The following DACH2 variants were observed in gnomAD, a reference collection of about 807,000 sequenced individuals.
The protein encoded by DACH2 is dachshund homolog 2.
Under a neutral mutation model 35.8 loss-of-function variants are expected in DACH2, and 17 were observed. The observed-to-expected ratio is 0.48, with a 90% confidence interval of 0.33 to 0.71. The LOEUF (loss-of-function observed/expected upper bound fraction) is 0.71. DACH2 is among the 30% of genes least tolerant of loss of function. The probability of loss-of-function intolerance (pLI) is 0.02; values close to 1 mark genes in which losing one functional copy is unlikely to be tolerated. For missense variants in DACH2, 469 were observed against 472.7 expected (o/e 0.99, Z 0.07); for synonymous variants, 195 against 177.3 (o/e 1.10, Z -0.79).
intron 1 of DACH2, among the ~76,000 whole-genome samples, chrX:86,217,725 G>C (rs1008521431): frequency 1.6e-4 from 18 of 111,060 alleles, no homozygotes; most frequent in Non-Finnish European, 3.2e-4. Flanking sequence ...ATGTATAACT[G>C]ACAAAAAAGA....
chrX:86,632,729 G>T, intron 3 of DACH2, among the ~76,000 whole-genome samples: 1 of 110,762 alleles, frequency 9.0e-6, no homozygotes, highest in Non-Finnish European at 1.9e-5. Context: ...GTTTAAAATT[G>T]AAATCATATC....
chrX:86,357,886 A>G (rs1223266769), intron 1 of DACH2, among the ~76,000 whole-genome samples: 1 of 112,200 alleles, frequency 8.9e-6, no homozygotes, highest in Non-Finnish European at 1.9e-5. Context: ...TCTCCCATTC[A>G]TTCTTCAATC....
At chrX:86,751,551 A>T (rs2041773176) in intron 7 of DACH2, among the ~76,000 whole-genome samples, 1 of 111,373 alleles carries the variant, frequency 9.0e-6, no homozygotes, top group African/African-American at 3.3e-5. Context: ...TGCTTTCAAC[A>T]TTAGGTCAAA....
chrX:86,526,850 AT>A (rs34284111), intron 3 of DACH2, among the ~76,000 whole-genome samples: 1 of 104,299 alleles, frequency 9.6e-6, no homozygotes, highest in Non-Finnish European at 2.0e-5. Flanking sequence ...GACTTAATTT[AT>A]TTTTTTTTCT....
chrX:86,152,171 A>T (rs1250138015), intron 1 of DACH2, among the ~76,000 whole-genome samples: 2 of 111,701 alleles, frequency 1.8e-5, no homozygotes, highest in African/African-American at 6.5e-5. Context: ...ATGTTGTTGA[A>T]TGGAAGGCCT....
chrX:86,174,952 G>A (rs1358407142), intron 1 of DACH2, among the ~76,000 whole-genome samples: 1 of 112,280 alleles, frequency 8.9e-6, no homozygotes, highest in African/African-American at 3.2e-5. Flanking sequence ...CAAAAGCACT[G>A]GGATTACAGG....
At chrX:86,301,971 A>G (rs1052397526) in intron 1 of DACH2, among the ~76,000 whole-genome samples, 1 of 111,235 alleles carries the variant, frequency 9.0e-6, no homozygotes, top group Non-Finnish European at 1.9e-5. Context: ...AGAATTTGCA[A>G]TTACCACTTG....
chrX:86,732,153 T>G (rs1221171818), intron 6 of DACH2, among the ~76,000 whole-genome samples: 1 of 111,645 alleles, frequency 9.0e-6, no homozygotes, highest in African/African-American at 3.2e-5. Flanking sequence ...ATGGAAGGTC[T>G]AGAACCATCA....
intron 1 of DACH2, among the ~76,000 whole-genome samples, chrX:86,185,867 A>T (rs1418351194): frequency 8.9e-6 from 1 of 112,368 alleles, no homozygotes; most frequent in East Asian, 2.8e-4. Context: ...ATTCTCAGAA[A>T]AATAGAAGCC....
intron 1 of DACH2, among the ~76,000 whole-genome samples, chrX:86,221,226 T>A (rs1157140783): frequency 8.9e-6 from 1 of 111,944 alleles, no homozygotes; most frequent in Non-Finnish European, 1.9e-5. Flanking sequence ...CATTTTGATT[T>A]GATTTTTGTG....
At chrX:86,180,986 T>A (rs1236262826) in intron 1 of DACH2, among the ~76,000 whole-genome samples, 1 of 110,265 alleles carries the variant, frequency 9.1e-6, no homozygotes, top group Non-Finnish European at 1.9e-5. Flanking sequence ...GAAGGGTGAG[T>A]CCCTTAGAAC....
chrX:86,686,534 G>T (rs1349975441), intron 4 of DACH2, among the ~76,000 whole-genome samples: 1 of 110,979 alleles, frequency 9.0e-6, no homozygotes, highest in Non-Finnish European at 1.9e-5. Flanking sequence ...CCCAGTAATT[G>T]AAGGGTATTT....
At chrX:86,366,688 G>T (rs1224392031) in intron 1 of DACH2, among the ~76,000 whole-genome samples, 2 of 110,815 alleles carry the variant, frequency 1.8e-5, no homozygotes, top group Non-Finnish European at 1.9e-5. Flanking sequence ...CCTGGTGGGA[G>T]GTGTTTGGGC....
At chrX:86,482,618 T>C (rs917954949) in intron 2 of DACH2, among the ~76,000 whole-genome samples, 2 of 108,189 alleles carry the variant, frequency 1.8e-5, no homozygotes, top group African/African-American at 6.8e-5. Context: ...CCACACTGAT[T>C]TCCACAATGG....
intron 1 of DACH2, among the ~76,000 whole-genome samples, chrX:86,369,657 C>T (rs746716406): frequency 1.8e-5 from 2 of 111,425 alleles, no homozygotes; most frequent in Non-Finnish European, 3.8e-5. Context: ...ACCAATTTGC[C>T]AAATGTTAGA....
chrX:86,346,228 C>T (rs2035494239), intron 1 of DACH2, among the ~76,000 whole-genome samples: 2 of 110,822 alleles, frequency 1.8e-5, no homozygotes, highest in African/African-American at 6.6e-5. Context: ...TAAATTCATC[C>T]TGTTACCATT....
chrX:86,205,008 T>G (rs760741090), intron 1 of DACH2, among the ~76,000 whole-genome samples: 1 of 112,203 alleles, frequency 8.9e-6, no homozygotes, highest in African/African-American at 3.2e-5. Flanking sequence ...CTTTTCAAAT[T>G]GTAGTTAAAG....
chrX:86,825,670 C>T (rs1386002910), intron 11 of DACH2, among the ~76,000 whole-genome samples: 1 of 111,630 alleles, frequency 9.0e-6, no homozygotes, highest in East Asian at 2.8e-4. Context: ...TTATTCTTCT[C>T]TCCCTTTCTC....
intron 4 of DACH2, among the ~76,000 whole-genome samples, chrX:86,678,260 A>G (rs1023732336): frequency 8.9e-6 from 1 of 112,194 alleles, no homozygotes; most frequent in African/African-American, 3.2e-5. Context: ...TCAGTGGCCT[A>G]TTTCCATTTG....
Sources: allele counts gnomAD v4.1 joint callset (sites outside exome capture counted in the v4.1 genomes callset), GRCh38; gene constraint gnomAD v4.1.1; transcripts MANE v1.5; gene names NCBI Gene and HGNC (gene_info 2026-07-23, HGNC 2026-07-21).